The following PRKAR2B variants were observed in gnomAD, a reference collection of about 807,000 sequenced individuals.
The protein encoded by PRKAR2B is cAMP-dependent protein kinase type II-beta regulatory subunit.
Under a neutral mutation model 49.9 loss-of-function variants are expected in PRKAR2B, and 14 were observed. That is an observed-to-expected ratio of 0.28 (90% CI 0.19 to 0.44). PRKAR2B has a LOEUF of 0.44. PRKAR2B is among the 20% of genes least tolerant of loss of function. PRKAR2B has a pLI of 1.00. For synonymous variants in PRKAR2B, 196 were observed against 197.7 expected, an observed-to-expected ratio of 0.99 and a Z score of 0.07; for missense variants, 393 against 537.9, an observed-to-expected ratio of 0.73 and a Z score of 2.67.
At chr7:107,075,998 G>A (rs1309215387) in intron 2 of PRKAR2B, among the ~76,000 whole-genome samples, 1 of 151,994 alleles carries the variant, frequency 6.6e-6, no homozygotes, top group African/African-American at 2.4e-5. Context: ...TCATGAAGTT[G>A]GAACTCTGAA....
At chr7:107,122,902 C>T (rs566273019) in intron 3 of PRKAR2B, among the ~76,000 whole-genome samples, 39 of 152,234 alleles carry the variant, frequency 2.6e-4, no homozygotes, top group African/African-American at 7.2e-4. Flanking sequence ...GTTGTGGAAG[C>T]TCATTTCTCA....
intron 6 of PRKAR2B, among the ~76,000 whole-genome samples, chr7:107,149,460 T>A (rs1349762727): frequency 2.0e-5 from 3 of 152,078 alleles, no homozygotes; most frequent in Admixed American, 6.6e-5. Context: ...TGGTGAGGGC[T>A]TGTTTTCCTG....
At chr7:107,141,336 A>G (rs1227046883) in intron 5 of PRKAR2B, among the ~76,000 whole-genome samples, 1 of 152,244 alleles carries the variant, frequency 6.6e-6, no homozygotes, top group Non-Finnish European at 1.5e-5. Context: ...GTAGACCTCA[A>G]TTGGTATTTC....
intron 4 of PRKAR2B, among the ~76,000 whole-genome samples, chr7:107,137,289 C>T (rs1019757597): frequency 5.3e-5 from 8 of 152,202 alleles, no homozygotes; most frequent in African/African-American, 1.9e-4. Context: ...GTCACCTAAA[C>T]GCCTTGTTTC....
chr7:107,055,100 A>G (rs1268627709), intron 1 of PRKAR2B, among the ~76,000 whole-genome samples: 1 of 152,062 alleles, frequency 6.6e-6, no homozygotes, highest in Non-Finnish European at 1.5e-5. Flanking sequence ...GCTGAGAATG[A>G]TGGTTTCCAG....
At chr7:107,064,271 T>C (rs777742545) in intron 1 of PRKAR2B, among the ~76,000 whole-genome samples, 5 of 152,226 alleles carry the variant, frequency 3.3e-5, no homozygotes, top group Admixed American at 6.5e-5. Flanking sequence ...AGCAAAAATA[T>C]GTTTTTTTCT....
At chr7:107,045,810 G>A (rs1239027276) in intron 1 of PRKAR2B, among the ~76,000 whole-genome samples, 1 of 152,168 alleles carries the variant, frequency 6.6e-6, no homozygotes, top group East Asian at 1.9e-4. Flanking sequence ...CCAATACCGT[G>A]TTGTGTTATT....
chr7:107,112,003 C>CAA (rs71134251), intron 2 of PRKAR2B, among the ~76,000 whole-genome samples: 1,565 of 45,908 alleles, frequency 0.034, 75 homozygotes, highest in Non-Finnish European at 0.046. Context: ...CCTCCTCTAC[C>CAA]AAAAAAAAAA....
At chr7:107,145,792 T>A (rs1795881858) in intron 5 of PRKAR2B, among the ~76,000 whole-genome samples, 1 of 144,026 alleles carries the variant, frequency 6.9e-6, no homozygotes, top group South Asian at 2.2e-4. Context: ...CAGGCTGGAG[T>A]GCAGTGGCAC....
At chr7:107,117,635 C>T (rs1387364233) in intron 2 of PRKAR2B, among the ~76,000 whole-genome samples, 1 of 152,126 alleles carries the variant, frequency 6.6e-6, no homozygotes, top group Admixed American at 6.6e-5. Flanking sequence ...TTGTCTAGTG[C>T]AGAGTCGTTT....
intron 2 of PRKAR2B, among the ~76,000 whole-genome samples, chr7:107,071,898 T>C (rs954312004): frequency 1.3e-5 from 2 of 151,832 alleles, no homozygotes; most frequent in Non-Finnish European, 2.9e-5. Flanking sequence ...ACCCCGTCTC[T>C]GCTAAAAATA....
intron 1 of PRKAR2B, chr7:107,066,979 G>A (rs535269452): frequency 1.3e-5 from 2 of 152,182 alleles, no homozygotes; most frequent in Admixed American, 6.5e-5. Context: ...GTTCATCTAC[G>A]CCATCAGAAG....
chr7:107,157,741 C>T (rs1223652930), intron 10 of PRKAR2B, among the ~76,000 whole-genome samples: 1 of 152,144 alleles, frequency 6.6e-6, no homozygotes, highest in African/African-American at 2.4e-5. Context: ...TATTGGGACA[C>T]AAAGGTTCAG....
chr7:107,056,155 G>A (rs1562841535), intron 1 of PRKAR2B, among the ~76,000 whole-genome samples: 1 of 152,302 alleles, frequency 6.6e-6, no homozygotes, highest in South Asian at 2.1e-4. Context: ...TGAGGGCTCT[G>A]TTCTGTTCCA....
intron 10 of PRKAR2B, among the ~76,000 whole-genome samples, chr7:107,158,339 T>C (rs1376551607): frequency 6.6e-6 from 1 of 152,090 alleles, no homozygotes; most frequent in Non-Finnish European, 1.5e-5. Context: ...AAAGAAAACC[T>C]GAGAAATACA....
At chr7:107,142,569 A>C (rs1426864012) in intron 5 of PRKAR2B, among the ~76,000 whole-genome samples, 4 of 152,022 alleles carry the variant, frequency 2.6e-5, no homozygotes, top group African/African-American at 9.7e-5. Flanking sequence ...GATCCTAGTC[A>C]CCCATTTGGT....
chr7:107,082,962 T>C (rs1794542219), intron 2 of PRKAR2B, among the ~76,000 whole-genome samples: 1 of 152,166 alleles, frequency 6.6e-6, no homozygotes, highest in African/African-American at 2.4e-5. Context: ...TGAAGTGTCT[T>C]AGATGGAGGT....
At position 107,068,069 on chromosome 7, in the gene PRKAR2B, C is replaced by T. The variant is rs914064509; in HGVS notation, c.308-2212C>T. ...CTGACAAAAGCCAAGGAAGGGTGTCCTCTGAATTACCGTGACAATCAAAAT... is the reference window on the plus strand; with the variant it reads ...CTGACAAAAGCCAAGGAAGGGTGTCTTCTGAATTACCGTGACAATCAAAAT... On this transcript the variant is annotated intron_variant, in intron 1 of 10. Coordinates refer to ENST00000265717, the MANE Select transcript of PRKAR2B (RefSeq NM_002736.3). Among the ~76,000 whole-genome samples the T allele has an allele frequency of 2.4e-4, 37 of 152,134 alleles. 1 individual carries two copies. The highest frequency in any genetic ancestry group is 5.4e-4 in the Non-Finnish European group (37 of 68,028).
chr7:107,094,620 C>G (rs988160880), intron 2 of PRKAR2B, among the ~76,000 whole-genome samples: 8 of 152,136 alleles, frequency 5.3e-5, no homozygotes, highest in African/African-American at 1.9e-4. Flanking sequence ...AGGTTTTCTT[C>G]TAGGTTTTTT....
Sources: allele counts gnomAD v4.1 joint callset (sites outside exome capture counted in the v4.1 genomes callset), GRCh38; gene constraint gnomAD v4.1.1; transcripts MANE v1.5; gene names NCBI Gene and HGNC (gene_info 2026-07-23, HGNC 2026-07-21).